Variants in TENT5D observed in about 807,000 individuals in gnomAD.
TENT5D encodes terminal nucleotidyltransferase 5D.
For missense variants in TENT5D, 191 were observed against 287.0 expected (o/e 0.67, Z 2.42); for synonymous variants, 103 against 100.6 (o/e 1.02, Z -0.15).
At chrX:80,393,073 A>T (rs974116651) in intron 3 of TENT5D, among the ~76,000 whole-genome samples, 7 of 109,346 alleles carry the variant, frequency 6.4e-5, no homozygotes, top group African/African-American at 1.7e-4. Context: ...TTCAGGAAAA[A>T]TTTTTTTATA....
intron 1 of TENT5D, among the ~76,000 whole-genome samples, chrX:80,424,644 A>G (rs1931954757): frequency 8.9e-6 from 1 of 112,489 alleles, no homozygotes; most frequent in Non-Finnish European, 1.9e-5. Context: ...CAGCTGTATG[A>G]TAACTTTTGA....
intron 3 of TENT5D, among the ~76,000 whole-genome samples, chrX:80,397,055 G>T (rs1931278157): frequency 1.0e-5 from 1 of 97,586 alleles, no homozygotes; most frequent in Non-Finnish European, 2.1e-5. Context: ...CTCCCAGACG[G>T]GGTGGCTGCC....
intron 3 of TENT5D, among the ~76,000 whole-genome samples, chrX:80,382,118 G>A (rs1317489094): frequency 9.0e-6 from 1 of 111,521 alleles, no homozygotes; most frequent in Non-Finnish European, 1.9e-5. Flanking sequence ...TTTGATGATG[G>A]TGACCTACAC....
exon 3 of TENT5D, chrX:80,443,632 G>A (rs1351532398): frequency 1.6e-5 from 19 of 1,209,640 alleles, no homozygotes; most frequent in Non-Finnish European, 2.0e-5. Flanking sequence ...CCCTATTTAT[G>A]TAATACCTGA....
At chrX:80,415,507 A>C (rs927874937), upstream of TENT5D, among the ~76,000 whole-genome samples, 7 of 111,981 alleles carry the variant, frequency 6.3e-5, no homozygotes, top group Non-Finnish European at 1.1e-4. Flanking sequence ...TTTTTAACAT[A>C]AATGGATGTT....
intron 3 of TENT5D, among the ~76,000 whole-genome samples, chrX:80,409,259 C>T (rs1931580197): frequency 9.0e-6 from 1 of 110,587 alleles, no homozygotes; most frequent in African/African-American, 3.3e-5. Context: ...GGCAATTAGG[C>T]AGGAGAAGGA....
At chrX:80,399,955 T>G (rs999278662) in intron 3 of TENT5D, among the ~76,000 whole-genome samples, 2 of 111,360 alleles carry the variant, frequency 1.8e-5, no homozygotes, top group Admixed American at 1.9e-4. Flanking sequence ...AAGATATGCA[T>G]CTAGGTATTT....
chrX:80,385,490 G>A (rs374523124), intron 3 of TENT5D, among the ~76,000 whole-genome samples: 3 of 111,706 alleles, frequency 2.7e-5, no homozygotes, highest in Non-Finnish European at 5.6e-5. Context: ...CCTAGGCAAT[G>A]CCATTCAGGA....
At chrX:80,397,156 G>A (rs1461322276) in intron 3 of TENT5D, among the ~76,000 whole-genome samples, 1 of 102,631 alleles carries the variant, frequency 9.7e-6, no homozygotes, top group Non-Finnish European at 2.0e-5. Flanking sequence ...GGGCGGAGGG[G>A]CTCCTCACTT....
intron 3 of TENT5D, among the ~76,000 whole-genome samples, chrX:80,380,583 T>C (rs1282882626): frequency 9.0e-6 from 1 of 111,174 alleles, no homozygotes; most frequent in Non-Finnish European, 1.9e-5. Flanking sequence ...ATTATTATTG[T>C]GTGGGAGTCT....
intron 3 of TENT5D, among the ~76,000 whole-genome samples, chrX:80,355,018 C>T (rs1047211434): frequency 5.4e-5 from 6 of 111,682 alleles, no homozygotes; most frequent in South Asian, 3.7e-4. Context: ...GTTCTAACCC[C>T]GAGGGCTTTG....
chrX:80,359,947 A>C (rs1007842270), intron 3 of TENT5D, among the ~76,000 whole-genome samples: 1 of 111,741 alleles, frequency 8.9e-6, no homozygotes. Context: ...TGGTAAAACC[A>C]CTACAAATCA....
intron 3 of TENT5D, among the ~76,000 whole-genome samples, chrX:80,414,955 T>G (rs1931740107): frequency 8.9e-6 from 1 of 112,162 alleles, no homozygotes; most frequent in African/African-American, 3.2e-5. Context: ...TTTTGTATTA[T>G]GTCTGATATT....
intron 3 of TENT5D, among the ~76,000 whole-genome samples, chrX:80,389,867 G>A (rs1234927012): frequency 8.9e-6 from 1 of 111,767 alleles, no homozygotes; most frequent in African/African-American, 3.3e-5. Flanking sequence ...TGATACTAGA[G>A]GATATTAAAT....
At chrX:80,357,326 G>T (rs1184429562) in intron 3 of TENT5D, among the ~76,000 whole-genome samples, 1 of 109,103 alleles carries the variant, frequency 9.2e-6, no homozygotes, top group East Asian at 2.9e-4. Context: ...AGATCCCTGA[G>T]GAATCGCCAC....
chrX:80,342,003 G>T (rs960486392), intron 2 of TENT5D, among the ~76,000 whole-genome samples: 8 of 110,817 alleles, frequency 7.2e-5, no homozygotes, highest in African/African-American at 1.6e-4. Context: ...GAGCCACCGC[G>T]CCCGGCCATA....
intron 3 of TENT5D, among the ~76,000 whole-genome samples, chrX:80,372,128 G>A (rs1208098100): frequency 9.0e-6 from 1 of 111,012 alleles, no homozygotes; most frequent in Non-Finnish European, 1.9e-5. Context: ...GAAGATACTT[G>A]CATTATTTTA....
upstream of TENT5D, among the ~76,000 whole-genome samples, chrX:80,415,798 G>C (rs184513824): frequency 2.7e-5 from 3 of 111,733 alleles, no homozygotes; most frequent in Non-Finnish European, 5.6e-5. Context: ...TCAAGATCTT[G>C]TTGGCCTCAT....
intron 3 of TENT5D, among the ~76,000 whole-genome samples, chrX:80,410,852 C>T (rs1463916200): frequency 9.4e-6 from 1 of 106,673 alleles, no homozygotes; most frequent in South Asian, 4.3e-4. Flanking sequence ...CCCAAATGTC[C>T]AACAATGATA....
Sources: allele counts gnomAD v4.1 joint callset (sites outside exome capture counted in the v4.1 genomes callset), GRCh38; gene constraint gnomAD v4.1.1; transcripts MANE v1.5; gene names NCBI Gene and HGNC (gene_info 2026-07-23, HGNC 2026-07-21).